Variants in UBE4B observed in about 807,000 individuals in gnomAD.
The protein encoded by UBE4B is ubiquitination factor E4B, also known as ubiquitin conjugation factor E4 B.
UBE4B carries 27 observed loss-of-function variants against 148.1 expected under a neutral mutation model. That is an observed-to-expected ratio of 0.18 (90% confidence interval 0.13 to 0.25). The LOEUF (loss-of-function observed/expected upper bound fraction) is 0.25, where lower values mean the gene tolerates loss of function less well. Among genes scored for constraint, UBE4B ranks in the 10% least tolerant of loss-of-function variants. UBE4B has a pLI of 1.00. For synonymous variants in UBE4B, 596 were observed against 619.3 expected, an observed-to-expected ratio of 0.96 and a Z score of 0.56; for missense variants, 1,170 against 1,662.4, an observed-to-expected ratio of 0.70 and a Z score of 5.15.
At position 10,105,903 on chromosome 1, in the gene UBE4B, T is replaced by C. The variant is rs746101018; in HGVS notation, c.809+159T>C. On this transcript the variant is annotated intron_variant, in intron 6 of 27. Coordinates refer to ENST00000343090, the MANE Select transcript of UBE4B (RefSeq NM_001105562.3). Reference sequence around the variant, plus strand: ...TTTAGTCATTGGAAGTGGAATTCTCTTTTCTAGATTATTATTTTTTGGCTC... The same window carrying C: ...TTTAGTCATTGGAAGTGGAATTCTCCTTTCTAGATTATTATTTTTTGGCTC... 1.5e-4 allele frequency among the ~76,000 whole-genome samples: 23 copies of C among 152,312 alleles called. 1 individual carries two copies. The highest frequency in any genetic ancestry group is 6.2e-4 in the South Asian group (3 of 4,828).
intron 9 of UBE4B, 59 bp downstream of exon 9, chr1:10,119,672 A>G: frequency 1.3e-6 from 2 of 1,500,598 alleles, no homozygotes; most frequent in Admixed American, 1.7e-5. Flanking sequence ...CCGTCAGTGG[A>G]CATCAGGCTC....
chr1:10,087,069 T>C (rs960979907), intron 2 of UBE4B, among the ~76,000 whole-genome samples: 1 of 152,228 alleles, frequency 6.6e-6, no homozygotes, highest in African/African-American at 2.4e-5. Flanking sequence ...CAGTGGAGTT[T>C]GCCCTGATTT....
chr1:10,115,167 T>G (rs1052433058), intron 7 of UBE4B, among the ~76,000 whole-genome samples: 3 of 149,862 alleles, frequency 2.0e-5, no homozygotes, highest in Admixed American at 2.0e-4. Flanking sequence ...TACCATACTT[T>G]TTTTTTTTTT....
intron 8 of UBE4B, among the ~76,000 whole-genome samples, chr1:10,118,732 G>A (rs372449456): frequency 3.0e-4 from 45 of 151,444 alleles, no homozygotes; most frequent in African/African-American, 9.5e-4. Context: ...TCTAACTCCC[G>A]ACCTCATGTG....
intron 2 of UBE4B, among the ~76,000 whole-genome samples, chr1:10,077,832 G>A (rs1290098972): frequency 1.3e-5 from 2 of 152,140 alleles, no homozygotes; most frequent in African/African-American, 4.8e-5. Flanking sequence ...AACATAACTA[G>A]TGCCTATGGA....
At chr1:10,043,298 C>T (rs1044319497) in intron 1 of UBE4B, among the ~76,000 whole-genome samples, 15 of 151,836 alleles carry the variant, frequency 9.9e-5, no homozygotes, top group Non-Finnish European at 1.3e-4. Context: ...TGTGAGCCAC[C>T]GCACCCGGCC....
intron 15 of UBE4B, among the ~76,000 whole-genome samples, 170 bp from the exon 16 acceptor site, chr1:10,134,818 G>C (rs1645651260): frequency 6.6e-6 from 1 of 151,656 alleles, no homozygotes; most frequent in African/African-American, 2.4e-5. Flanking sequence ...GATCACTTTA[G>C]GTCCCAGCTA....
chr1:10,179,614 A>G (rs1428281668), intron 27 of UBE4B, 52 bp downstream of exon 27: 2 of 1,601,156 alleles, frequency 1.2e-6, no homozygotes, highest in Non-Finnish European at 1.7e-6. Flanking sequence ...ACCAAGAGAT[A>G]AAGCCCAAGT....
intron 1 of UBE4B, among the ~76,000 whole-genome samples, chr1:10,061,479 A>G (rs1264244514): frequency 6.6e-6 from 1 of 152,004 alleles, no homozygotes; most frequent in Admixed American, 6.6e-5. Flanking sequence ...CTAGTCTGGA[A>G]CTCCTGGCCT....
chr1:10,130,408 G>T, intron 12 of UBE4B, 92 bp from the exon 13 acceptor site: 1 of 1,069,944 alleles, frequency 9.3e-7, no homozygotes, highest in Non-Finnish European at 1.4e-6. Context: ...ATAATATCTT[G>T]TGAAAATACA....
chr1:10,102,572 G>A (rs1645033614), intron 4 of UBE4B, among the ~76,000 whole-genome samples: 1 of 151,658 alleles, frequency 6.6e-6, no homozygotes, highest in African/African-American at 2.4e-5. Flanking sequence ...AACCGCGCCT[G>A]GCTAATTTTT....
At chr1:10,160,996 C>T (rs938800333) in intron 22 of UBE4B, 146 bp from the exon 23 acceptor site, 3 of 784,526 alleles carry the variant, frequency 3.8e-6, no homozygotes, top group South Asian at 1.8e-5. Flanking sequence ...TCCTTGAATT[C>T]CATAGTGCCT....
At chr1:10,151,252 C>T (rs1269589711) in intron 20 of UBE4B, 74 bp from the exon 21 acceptor site, 5 of 1,416,046 alleles carry the variant, frequency 3.5e-6, no homozygotes, top group South Asian at 1.2e-5. Flanking sequence ...CTTACTGACA[C>T]CAGCCTTCAC....
chr1:10,102,087 G>A (rs887036858), intron 4 of UBE4B, among the ~76,000 whole-genome samples: 1 of 151,906 alleles, frequency 6.6e-6, no homozygotes, highest in Non-Finnish European at 1.5e-5. Context: ...ATTGGAAGTT[G>A]CACTGTAAAC....
At chr1:10,077,196 A>G (rs552489594) in intron 2 of UBE4B, among the ~76,000 whole-genome samples, 1 of 152,220 alleles carries the variant, frequency 6.6e-6, no homozygotes, top group African/African-American at 2.4e-5. Flanking sequence ...TGGTAGGGCG[A>G]TGCCTCCCAA....
chr1:10,078,442 G>T (rs1247575100), intron 2 of UBE4B, among the ~76,000 whole-genome samples: 3 of 152,172 alleles, frequency 2.0e-5, no homozygotes, highest in Admixed American at 2.0e-4. Flanking sequence ...GGGAGGAAAT[G>T]TTCTTTCATT....
chr1:10,111,793 C>T (rs1645226441), intron 7 of UBE4B, among the ~76,000 whole-genome samples: 1 of 151,986 alleles, frequency 6.6e-6, no homozygotes, highest in Non-Finnish European at 1.5e-5. Context: ...CTCTTCTTTA[C>T]TAAAAATACA....
intron 10 of UBE4B, among the ~76,000 whole-genome samples, chr1:10,124,899 G>A (rs1200852062): frequency 3.3e-5 from 5 of 152,084 alleles, no homozygotes; most frequent in Admixed American, 3.3e-4. Flanking sequence ...GCCGAGGCAG[G>A]TGGATCGCCT....
At chr1:10,071,589 T>A (rs1644485278) in intron 1 of UBE4B, among the ~76,000 whole-genome samples, 1 of 152,066 alleles carries the variant, frequency 6.6e-6, no homozygotes, top group Non-Finnish European at 1.5e-5. Flanking sequence ...CTCTCTAAAA[T>A]GAAGTGTAAT....
Sources: allele counts gnomAD v4.1 joint callset (sites outside exome capture counted in the v4.1 genomes callset), GRCh38; gene constraint gnomAD v4.1.1; transcripts MANE v1.5; gene names NCBI Gene and HGNC (gene_info 2026-07-23, HGNC 2026-07-21).